The following PEF1 variants were observed in gnomAD, a reference collection of about 807,000 sequenced individuals.
PEF1 encodes peflin.
PEF1 carries 17 observed loss-of-function variants against 32.0 expected under a neutral mutation model. That is an observed-to-expected ratio of 0.53 (90% CI 0.36 to 0.80). The LOEUF is 0.80. Among genes scored for constraint, PEF1 ranks in the 30% least tolerant of loss-of-function variants. PEF1 has a pLI of 0.00. For missense variants in PEF1, 362 were observed against 369.1 expected (o/e 0.98, Z 0.16); for synonymous variants, 130 against 139.8 (o/e 0.93, Z 0.50).
At chr1:31,631,730 A>G (rs1399658150) in intron 4 of PEF1, among the ~76,000 whole-genome samples, 1 of 152,246 alleles carries the variant, frequency 6.6e-6, no homozygotes, top group South Asian at 2.1e-4. Flanking sequence ...CCTTACTAAT[A>G]TCCACGACAA....
chr1:31,633,059 A>G, intron 3 of PEF1, 100 bp downstream of exon 3: 1 of 1,379,832 alleles, frequency 7.2e-7, no homozygotes, highest in Non-Finnish European at 9.9e-7. Context: ...CTGGTCAATG[A>G]ATTTCTCTTC....
At chr1:31,644,280 C>T (rs1385531203) in intron 1 of PEF1, 2 of 784,810 alleles carry the variant, frequency 2.5e-6, no homozygotes, top group Non-Finnish European at 3.1e-6. Flanking sequence ...TGCTGCCTAA[C>T]TGCCTGGTGA....
chr1:31,638,799 C>T (rs115966541), intron 1 of PEF1, among the ~76,000 whole-genome samples: 2 of 152,330 alleles, frequency 1.3e-5, no homozygotes, highest in African/African-American at 4.8e-5. Context: ...CCCTCTTTTA[C>T]AGATGAAGAA....
At chr1:31,631,817 C>T (rs1286024576) in intron 4 of PEF1, among the ~76,000 whole-genome samples, 1 of 152,166 alleles carries the variant, frequency 6.6e-6, no homozygotes, top group Non-Finnish European at 1.5e-5. Flanking sequence ...GCACTCACTC[C>T]TGCCCACAGA....
In PEF1 at chr1:31,637,202, C is replaced by A. The variant is rs576173811; in HGVS notation, c.25-1680G>T. ...CAGCAATCCTTGGGAGCTTTTCTAC[C>A]CTAGAAGCTGTCATAGCTACTAGCA... On this transcript the variant is annotated intron_variant, in intron 1 of 4. Coordinates refer to ENST00000373703, the MANE Select transcript of PEF1 (RefSeq NM_012392.4). Among the ~76,000 whole-genome samples, 11 of 152,192 alleles carry A rather than the reference C, an allele frequency of 7.2e-5. No individual in the cohort carries two copies. The South Asian group carries it at 2.3e-3, about 32-fold the overall frequency.
intron 1 of PEF1, among the ~76,000 whole-genome samples, chr1:31,643,073 C>G (rs1050646154): frequency 1.3e-5 from 2 of 152,184 alleles, no homozygotes; most frequent in African/African-American, 4.8e-5. Flanking sequence ...AAGCTCTCAG[C>G]TGATTCTGAG....
chr1:31,632,563 C>T lies in PEF1; in HGVS notation c.557G>A (p.Trp186Ter). 6.2e-7 allele frequency: 1 copy of T among 1,614,212 alleles called. No individual in the cohort carries two copies. The highest frequency in any genetic ancestry group is 2.2e-5 in the East Asian group (1 of 44,880). ...FSALWKFIQQ[W>*]KNLFQQYDRD... The stretch of plus-strand genomic sequence containing the variant: ...GTCATACTGCTGGAAGAGGTTCTTC[C>T]ACTGCTGGATGAATTTCCACAGGGC... The change falls in exon 4 of 5, where the codon TGG becomes TAG. Residue 186 changes from tryptophan (W) to a stop codon, truncating the protein, a stop_gained. Coordinates refer to ENST00000373703, the MANE Select transcript of PEF1 (RefSeq NM_012392.4). LOFTEE classifies it high-confidence loss of function.
intron 2 of PEF1, chr1:31,634,963 G>A (rs1415885057): frequency 4.7e-6 from 3 of 640,428 alleles, no homozygotes; most frequent in African/African-American, 1.8e-5. Context: ...AAAGACACAG[G>A]GAACAGAAAC....
intron 1 of PEF1, among the ~76,000 whole-genome samples, chr1:31,640,056 C>T (rs1166769591): frequency 1.3e-5 from 2 of 152,126 alleles, no homozygotes; most frequent in Non-Finnish European, 2.9e-5. Context: ...ATTGTGAAGG[C>T]AGGTGGAGGG....
chr1:31,635,067 A>G, intron 2 of PEF1, 155 bp downstream of exon 2: 1 of 987,128 alleles, frequency 1.0e-6, no homozygotes, highest in Admixed American at 2.0e-5. Flanking sequence ...ACTAGCTGAC[A>G]AACTTATCAT....
intron 2 of PEF1, among the ~76,000 whole-genome samples, chr1:31,634,562 C>T (rs541471909): frequency 3.7e-4 from 56 of 152,276 alleles, no homozygotes; most frequent in Middle Eastern, 3.4e-3. Context: ...TGGTAGGCTA[C>T]ATTATCGTCT....
intron 2 of PEF1, among the ~76,000 whole-genome samples, chr1:31,634,611 C>A (rs1467646419): frequency 6.6e-6 from 1 of 152,148 alleles, no homozygotes; most frequent in Non-Finnish European, 1.5e-5. Flanking sequence ...ACAGTCTGCA[C>A]ACCCACAGAC....
In PEF1 at chr1:31,630,324, G is replaced by A. The variant is rs965927333; in HGVS notation, c.*289C>T. On this transcript the variant is annotated 3_prime_UTR_variant, in exon 5 of 5. Coordinates refer to ENST00000373703, the MANE Select transcript of PEF1 (RefSeq NM_012392.4). Reference sequence around the variant, plus strand: ...GACTGGACACTAACTCCATTACAAGGACCTGCTCCTGGTGCCAGGCTGTGC... The same window carrying A: ...GACTGGACACTAACTCCATTACAAGAACCTGCTCCTGGTGCCAGGCTGTGC... 11 of 442,648 alleles carry A rather than the reference G, an allele frequency of 2.5e-5. No homozygotes were observed. Among genetic ancestry groups the A allele is most frequent in the Admixed American group, 6.9e-5 (2 of 28,992 alleles). The allele number at this position is 442,648 out of a possible 1,614,324, so 27.4% of individuals were successfully genotyped here. A position where few individuals can be genotyped will look rare whatever the true frequency, so the allele number is the denominator to read the frequency against.
chr1:31,644,362 G>A (rs1435044793), intron 1 of PEF1: 34 of 998,774 alleles, frequency 3.4e-5, no homozygotes, highest in Non-Finnish European at 4.1e-5. Flanking sequence ...AACTAAGTCA[G>A]TGGTCAAACC....
At position 31,644,207 on chromosome 1, in the gene PEF1, G is replaced by A. The variant is rs185556183; in HGVS notation, c.24+634C>T. ...AGAATCACCTTGCTGCGGTATTCCTGACTGAATCAAGATACGCTGGGGAAG... is the reference window on the plus strand; with the variant it reads ...AGAATCACCTTGCTGCGGTATTCCTAACTGAATCAAGATACGCTGGGGAAG... On this transcript the variant is annotated intron_variant, in intron 1 of 4. Transcript: ENST00000373703. The A allele has an allele frequency of 1.5e-5, 3 of 200,398 alleles. No individual in the cohort carries two copies. The Admixed American group carries it at 2.0e-4, about 13-fold the overall frequency. 12.4% of individuals were successfully genotyped at this position (200,398 alleles called of 1,614,324 possible). A position where few individuals can be genotyped will look rare whatever the true frequency, so the allele number is the denominator to read the frequency against.
intron 1 of PEF1, among the ~76,000 whole-genome samples, chr1:31,638,458 CA>C (rs1640314358): frequency 6.6e-6 from 1 of 152,176 alleles, no homozygotes; most frequent in South Asian, 2.1e-4. Flanking sequence ...TGGGCACACC[CA>C]AAGAACAGGC....
intron 3 of PEF1, 108 bp from the exon 4 acceptor site, chr1:31,632,746 C>T: frequency 7.5e-7 from 1 of 1,327,964 alleles, no homozygotes; most frequent in Non-Finnish European, 1.0e-6. Flanking sequence ...GAGTAGGCGA[C>T]TTCACAGAAC....
chr1:31,643,197 C>T (rs372923521), intron 1 of PEF1, among the ~76,000 whole-genome samples: 5 of 152,292 alleles, frequency 3.3e-5, no homozygotes, highest in African/African-American at 4.8e-5. Context: ...AGCCGGGAGG[C>T]GGAGTTTCTA....
At chr1:31,644,800 C>A (rs1361022194) in intron 1 of PEF1, 41 bp downstream of exon 1, 1 of 1,613,338 alleles carries the variant, frequency 6.2e-7, no homozygotes, top group Middle Eastern at 1.7e-4. Flanking sequence ...CTGCGCCTGG[C>A]ACCGCCGCTA....
Sources: allele counts gnomAD v4.1 joint callset (sites outside exome capture counted in the v4.1 genomes callset), GRCh38; gene constraint gnomAD v4.1.1; transcripts MANE v1.5; gene names NCBI Gene and HGNC (gene_info 2026-07-23, HGNC 2026-07-21).